CUX2: variants seen among roughly 807,000 people sequenced by gnomAD.
CUX2 encodes the protein cut like homeobox 2.
A neutral mutation model predicts 144.8 loss-of-function variants in CUX2; 40 were observed. The ratio of observed to expected loss-of-function variants is 0.28; its 90% CI spans 0.21 to 0.36. The LOEUF (loss-of-function observed/expected upper bound fraction) is 0.36, where lower values mean the gene tolerates loss of function less well. Among genes scored for constraint, CUX2 ranks in the 10% least tolerant of loss-of-function variants. The pLI, the probability that CUX2 is intolerant of heterozygous loss-of-function variation, is 1.00. For missense variants in CUX2, 1,615 were observed against 1,994.0 expected, an observed-to-expected ratio of 0.81 and a Z score of 3.62; for synonymous variants, 827 against 875.6, an observed-to-expected ratio of 0.94 and a Z score of 0.98.
rs184842136 is a variant in CUX2, at chr12:111,048,466, A to G, written c.63+14226A>G. ...AAGGTGGGAGCTGTGCTTCCTTGGT[A>G]AGCGTATGGCTGGTTTTCTGTGTGA... On this transcript the variant is annotated intron_variant, in intron 1 of 21. Transcript: ENST00000261726. Among the ~76,000 whole-genome samples, 300 of 152,306 alleles carry G rather than the reference A, an allele frequency of 2.0e-3. 2 individuals are homozygous for G. Among genetic ancestry groups the G allele is most frequent in the African/African-American group, 7.1e-3 (294 of 41,572 alleles).
chr12:111,088,803 T>C (rs190228067), intron 1 of CUX2, among the ~76,000 whole-genome samples: 13 of 152,292 alleles, frequency 8.5e-5, no homozygotes, highest in African/African-American at 2.6e-4. Flanking sequence ...AGCTGAGCTA[T>C]GAAGCTCACC....
intron 1 of CUX2, among the ~76,000 whole-genome samples, chr12:111,148,804 C>T (rs1055171309): frequency 5.3e-5 from 8 of 152,132 alleles, no homozygotes; most frequent in African/African-American, 1.9e-4. Flanking sequence ...CGAGACCAGC[C>T]TTGGCAATAC....
intron 4 of CUX2, among the ~76,000 whole-genome samples, chr12:111,284,818 A>G (rs529275233): frequency 2.6e-5 from 4 of 152,230 alleles, no homozygotes; most frequent in African/African-American, 4.8e-5. Flanking sequence ...CTCTTCGCCA[A>G]CCTCTCATTG....
chr12:111,320,922 G>A lies in CUX2; in HGVS notation c.2766+147G>A, dbSNP rs7296519. The A allele has an allele frequency of 0.016, 14,830 of 910,360 alleles. 645 individuals carry two copies. The highest frequency in any genetic ancestry group is 0.14 in the African/African-American group (7,808 of 56,656). 56.4% of individuals were successfully genotyped at this position (910,360 alleles called of 1,614,324 possible). A position where few individuals can be genotyped will look rare whatever the true frequency, so the allele number is the denominator to read the frequency against. ...TGTCCCTGGGTCCCGCAGGAAGGAG[G>A]GCCACTGTTCTGCTCCGTGGTTGTT... On this transcript the variant is annotated intron_variant, in intron 17 of 21. Coordinates refer to ENST00000261726, the MANE Select transcript of CUX2 (RefSeq NM_015267.4). The surrounding 1 kb of genome is among the most constrained non-coding windows in gnomAD (Gnocchi z 8.1).
At chr12:111,214,356 ATTTC>A in intron 2 of CUX2, 46 bp downstream of exon 2, 1 of 1,104,568 alleles carries the variant, frequency 9.1e-7, no homozygotes. Context: ...AGGAATGCAG[ATTTC>A]TCTCCATTCA....
chr12:111,323,618 C>T (rs746547183), intron 18 of CUX2, among the ~76,000 whole-genome samples: 1 of 151,452 alleles, frequency 6.6e-6, no homozygotes, highest in Non-Finnish European at 1.5e-5. Context: ...AGAGGGAGAC[C>T]GTGTCTCTAC....
chr12:111,075,967 A>G (rs866974115), intron 1 of CUX2, among the ~76,000 whole-genome samples: 4 of 152,214 alleles, frequency 2.6e-5, no homozygotes, highest in South Asian at 2.1e-4. Flanking sequence ...AGTGAACCCT[A>G]TGAGGTTGGT....
intron 1 of CUX2, among the ~76,000 whole-genome samples, chr12:111,189,846 G>A (rs537430549): frequency 6.6e-6 from 1 of 152,220 alleles, no homozygotes; most frequent in Admixed American, 6.5e-5. Flanking sequence ...TTTCTCTGGG[G>A]TAGGTACCCA....
At chr12:111,294,368 A>G (rs1458398736) in intron 6 of CUX2, among the ~76,000 whole-genome samples, 2 of 152,102 alleles carry the variant, frequency 1.3e-5, no homozygotes, top group East Asian at 1.9e-4. Flanking sequence ...TTGGCCTCCC[A>G]AAGTGCTGGG....
At chr12:111,121,021 TTTAA>T (rs1442293908) in intron 1 of CUX2, among the ~76,000 whole-genome samples, 1 of 151,930 alleles carries the variant, frequency 6.6e-6, no homozygotes, top group Non-Finnish European at 1.5e-5. Context: ...CCGCCAGACT[TTTAA>T]GGGTTCTACG....
At chr12:111,192,917 T>A (rs1342676575) in intron 1 of CUX2, among the ~76,000 whole-genome samples, 1 of 152,244 alleles carries the variant, frequency 6.6e-6, no homozygotes, top group Non-Finnish European at 1.5e-5. Flanking sequence ...TTTAAACATG[T>A]CTCAGTTTTA....
At chr12:111,283,289 A>G (rs1462997647) in intron 4 of CUX2, among the ~76,000 whole-genome samples, 1 of 151,988 alleles carries the variant, frequency 6.6e-6, no homozygotes, top group Non-Finnish European at 1.5e-5. Flanking sequence ...GTGGGTCTGC[A>G]GCAGACAGGG....
Position 111,295,456 on chromosome 12 carries a change from G to A in CUX2, c.637+47G>A, listed in dbSNP as rs745606612. 27 of 1,548,974 alleles carry A rather than the reference G, an allele frequency of 1.7e-5. No homozygotes were observed. The highest frequency in any genetic ancestry group is 8.1e-5 in the South Asian group (7 of 85,950). On this transcript the variant is annotated intron_variant, in intron 7 of 21. Transcript: ENST00000261726. The surrounding 1 kb of genome is among the most constrained non-coding windows in gnomAD (Gnocchi z 5.0). ...CCTAGAGGGAGGACTGGGAGGGGAC[G>A]GTAATGCTGTCAACGAGGGGTCACG...
intron 1 of CUX2, among the ~76,000 whole-genome samples, chr12:111,155,381 T>C (rs1301874547): frequency 6.6e-6 from 1 of 152,262 alleles, no homozygotes; most frequent in Non-Finnish European, 1.5e-5. Context: ...TTAATATTAC[T>C]TCCTGGGCCA....
intron 18 of CUX2, among the ~76,000 whole-genome samples, chr12:111,332,644 C>A (rs1250355214): frequency 1.3e-5 from 2 of 152,038 alleles, no homozygotes; most frequent in African/African-American, 4.8e-5. Context: ...TTCTAATTTA[C>A]AGAAAAATTG....
At chr12:111,326,847 T>C (rs1012782131) in intron 18 of CUX2, among the ~76,000 whole-genome samples, 5 of 152,100 alleles carry the variant, frequency 3.3e-5, no homozygotes, top group African/African-American at 1.2e-4. Flanking sequence ...GAGGTTGCAG[T>C]GAGCCGGATG....
chr12:111,220,937 TAAAAA>T (rs1162004039), intron 3 of CUX2, among the ~76,000 whole-genome samples: 2 of 92,070 alleles, frequency 2.2e-5, no homozygotes, highest in South Asian at 8.2e-4. Context: ...CCTGGTCTCT[TAAAAA>T]AAAAAAAAAA....
At chr12:111,044,018 C>T (rs1353782349) in intron 1 of CUX2, among the ~76,000 whole-genome samples, 2 of 152,200 alleles carry the variant, frequency 1.3e-5, no homozygotes, top group African/African-American at 2.4e-5. Context: ...CTGGGACACA[C>T]GGGACCCCTC....
At chr12:111,345,461 AG>A in intron 21 of CUX2, among the ~76,000 whole-genome samples, 1 of 138,632 alleles carries the variant, frequency 7.2e-6, no homozygotes, top group Admixed American at 7.5e-5. Flanking sequence ...AAAAAAAAAA[AG>A]GCCGGGCACA....
Sources: allele counts gnomAD v4.1 joint callset (sites outside exome capture counted in the v4.1 genomes callset), GRCh38; gene constraint gnomAD v4.1.1; non-coding constraint Gnocchi (gnomAD v3.1); transcripts MANE v1.5; gene names NCBI Gene and HGNC (gene_info 2026-07-23, HGNC 2026-07-21).